Variants in PC observed in about 807,000 individuals in gnomAD.
PC encodes the protein pyruvate carboxylase, mitochondrial.
Under a neutral mutation model 107.8 loss-of-function variants are expected in PC, and 46 were observed. That is an observed-to-expected ratio of 0.43 (90% CI 0.34 to 0.55). PC has a LOEUF of 0.55. Ranked by LOEUF, PC falls within the 20% of genes least tolerant of loss-of-function variation. The pLI is 0.04. For missense variants in PC, 1,241 were observed against 1,643.1 expected (o/e 0.76, Z 4.23); for synonymous variants, 662 against 684.7 (o/e 0.97, Z 0.52).
chr11:66,861,428 C>A (rs1317153521), intron 12 of PC, among the ~76,000 whole-genome samples: 1 of 152,236 alleles, frequency 6.6e-6, no homozygotes, highest in East Asian at 1.9e-4. Flanking sequence ...CAAGGCGCTG[C>A]CACCGGGCAG....
At chr11:66,890,393 CA>C (rs755036624) in intron 3 of PC, among the ~76,000 whole-genome samples, 4,176 of 130,530 alleles carry the variant, frequency 0.032, 95 homozygotes, top group African/African-American at 0.064. Context: ...GATTGTTTCC[CA>C]TTTTTTTTTT....
intron 1 of PC, chr11:66,958,106 G>A (rs976701832): frequency 6.6e-6 from 1 of 151,516 alleles, no homozygotes; most frequent in East Asian, 1.9e-4. Context: ...CCAGCCGGCC[G>A]AGCCCCCGCG....
chr11:66,892,889 T>C (rs1031242747), intron 3 of PC, among the ~76,000 whole-genome samples: 5 of 151,572 alleles, frequency 3.3e-5, no homozygotes, highest in African/African-American at 1.2e-4. Flanking sequence ...TAGTATTAAC[T>C]GTGAGTGTTT....
rs1945619391 is a variant in PC at position 66,853,312 on chromosome 11, G to T, written c.1440C>A (p.Phe480Leu). 1 of 1,613,986 alleles carries T rather than the reference G, an allele frequency of 6.2e-7. No homozygotes were observed. The highest frequency in any genetic ancestry group is 1.3e-5 in the African/African-American group (1 of 74,910). The change falls in exon 13 of 23, where the codon TTC (phenylalanine) becomes TTA (leucine). Residue 480 changes from phenylalanine to leucine, a missense_variant. By Grantham distance (22) the Phe-to-Leu change is conservative (BLOSUM62 0). Around this residue, in one of 2 missense-constraint regions of PC, gnomAD observed 1,143 missense variants for 1,551.9 expected, o/e 0.74. Transcript: ENST00000393960. ...QFLAGTVDTQ[F>L]IDENPELFQL... ...GGAACAGCTCTGGGTTCTCGTCGAT[G>T]AACTGGGTGTCCACAGTGCCTGCCA...
In PC at chr11:66,854,133, G is replaced by A. The variant is rs139148479; in HGVS notation, c.1369-750C>T. 6.1e-3 allele frequency among the ~76,000 whole-genome samples: 927 copies of A among 152,330 alleles called. 2 individuals are homozygous for A. Among genetic ancestry groups the A allele is most frequent in the Admixed American group, 0.011 (161 of 15,304 alleles). On this transcript the variant is annotated intron_variant, in intron 12 of 22. Transcript: ENST00000393960. Reference sequence around the variant, plus strand: ...ATCACCCACTCCTCCCATGCCACTGGTCAAGCCAGAGGATTCGACCACGGC... The same window carrying A: ...ATCACCCACTCCTCCCATGCCACTGATCAAGCCAGAGGATTCGACCACGGC...
At chr11:66,862,113 A>C (rs1946289964) in intron 12 of PC, among the ~76,000 whole-genome samples, 1 of 152,138 alleles carries the variant, frequency 6.6e-6, no homozygotes, top group Non-Finnish European at 1.5e-5. Flanking sequence ...TCAACACCGA[A>C]GCAGCCGCAG....
chr11:66,903,775 T>A (rs7942060), intron 3 of PC, among the ~76,000 whole-genome samples: 15,069 of 90,812 alleles, frequency 0.17, 1,542 homozygotes, highest in Non-Finnish European at 0.2. Context: ...AAAAAAAAAA[T>A]ATATATATAT....
intron 12 of PC, chr11:66,860,270 G>A: frequency 1.3e-6 from 2 of 1,525,574 alleles, no homozygotes; most frequent in South Asian, 2.4e-5. Flanking sequence ...CGCCTGGCCT[G>A]GGAGTCCCTC....
At chr11:66,926,009 A>G (rs950884881) in intron 3 of PC, among the ~76,000 whole-genome samples, 31 of 152,278 alleles carry the variant, frequency 2.0e-4, no homozygotes, top group Admixed American at 4.6e-4. Context: ...TTTAGAAGAA[A>G]ATGAGTCAAA....
intron 3 of PC, among the ~76,000 whole-genome samples, chr11:66,888,809 C>T (rs1947463708): frequency 6.6e-6 from 1 of 152,160 alleles, no homozygotes; most frequent in Non-Finnish European, 1.5e-5. Flanking sequence ...GGTGCAGTGG[C>T]TCACACCTGT....
chr11:66,851,771 C>T lies in PC; in HGVS notation c.1982+19G>A, dbSNP rs748001005. Reference sequence around the variant, plus strand: ...TGGGCCACACCAGGTAGCGTCTGCCCACCCCACCCCAGGCTCACTTGAAGA... The same window carrying T: ...TGGGCCACACCAGGTAGCGTCTGCCTACCCCACCCCAGGCTCACTTGAAGA... On this transcript the variant is annotated intron_variant, in intron 16 of 22. Transcript: ENST00000393960. 1.2e-6 allele frequency: 2 copies of T among 1,613,602 alleles called. No homozygotes were observed. Among genetic ancestry groups the T allele is most frequent in the Admixed American group, 1.7e-5 (1 of 60,010 alleles).
At chr11:66,860,298 G>A in intron 12 of PC, 2 of 1,465,294 alleles carry the variant, frequency 1.4e-6, no homozygotes, top group South Asian at 2.4e-5. Flanking sequence ...TTTATTCTCA[G>A]TACCTCAGGC....
chr11:66,916,778 C>A (rs1948472430), intron 3 of PC, among the ~76,000 whole-genome samples: 1 of 151,868 alleles, frequency 6.6e-6, no homozygotes, highest in South Asian at 2.1e-4. Context: ...CACGGTGAAA[C>A]CCCGTCTCTA....
At chr11:66,864,429 G>A (rs1461449843) in intron 11 of PC, among the ~76,000 whole-genome samples, 2 of 152,260 alleles carry the variant, frequency 1.3e-5, no homozygotes, top group African/African-American at 4.8e-5. Flanking sequence ...CCGGCGACAG[G>A]GCCTCCAAAG....
chr11:66,914,866 G>C (rs1460054430), intron 3 of PC, among the ~76,000 whole-genome samples: 2 of 151,678 alleles, frequency 1.3e-5, no homozygotes, highest in African/African-American at 4.8e-5. Context: ...AAGACTCCAC[G>C]TCTAGAAAAA....
At chr11:66,867,774 C>T (rs1398409288) in intron 10 of PC, among the ~76,000 whole-genome samples, 1 of 152,266 alleles carries the variant, frequency 6.6e-6, no homozygotes, top group Non-Finnish European at 1.5e-5. Context: ...GAGTTCACAG[C>T]AGCTTGAGGG....
At chr11:66,917,906 A>G (rs910291426) in intron 3 of PC, among the ~76,000 whole-genome samples, 1 of 152,158 alleles carries the variant, frequency 6.6e-6, no homozygotes, top group Non-Finnish European at 1.5e-5. Flanking sequence ...AGAGCCTGGG[A>G]TGGTCCAGGA....
chr11:66,849,031 CTGGCCCT>C lies in PC; in HGVS notation c.3398_3404del (p.Lys1133SerfsTer9). The C allele has an allele frequency of 6.2e-7, 1 of 1,614,108 alleles. No homozygotes were observed. Among genetic ancestry groups the C allele is most frequent in the Non-Finnish European group, 8.5e-7 (1 of 1,180,042 alleles). On this transcript the variant is annotated frameshift_variant, in exon 23 of 23. Transcript: ENST00000393960. LOFTEE classifies it high-confidence loss of function. ...TCATGGCACTGAGCACACACAGGGG[CTGGCCCT>C]TGGCCACCTTGGCCCCTGCCACCAC...
At position 66,937,924 on chromosome 11, in the gene PC, G is replaced by A. The variant is rs562294589; in HGVS notation, c.-1+14506C>T. Among the ~76,000 whole-genome samples the A allele has an allele frequency of 1.8e-4, 28 of 151,914 alleles. 2 individuals carry two copies. In the South Asian group the frequency reaches 3.7e-3, roughly 20 times the overall value. ...CCTGAGTAGCTGGGACTACAGGTGC[G>A]TGCCACCACACTCAGCTAATTTTTT... On this transcript the variant is annotated intron_variant, in intron 3 of 22. Coordinates refer to ENST00000393960, the MANE Select transcript of PC (RefSeq NM_001040716.2).
Sources: gnomAD v4.1 joint callset for allele counts (sites outside exome capture counted in the v4.1 genomes callset) on GRCh38, gnomAD v4.1.1 for gene constraint, gnomAD v4.1.1 regional missense constraint, MANE v1.5 for transcripts, NCBI Gene and HGNC (gene_info 2026-07-23, HGNC 2026-07-21) for gene names.